The following UTP4 variants were observed in gnomAD, a reference collection of about 807,000 sequenced individuals.
The protein encoded by UTP4 is U3 small nucleolar RNA-associated protein 4 homolog.
A neutral mutation model predicts 82.4 loss-of-function variants in UTP4; 45 were observed. The ratio of observed to expected loss-of-function variants is 0.55; its 90% CI spans 0.43 to 0.70. The LOEUF (loss-of-function observed/expected upper bound fraction) is 0.70. Among genes scored for constraint, UTP4 ranks in the 30% least tolerant of loss-of-function variants. UTP4 has a pLI of 0.00. For missense variants in UTP4, 819 were observed against 858.3 expected, an observed-to-expected ratio of 0.95 and a Z score of 0.57; for synonymous variants, 348 against 300.3, an observed-to-expected ratio of 1.16 and a Z score of -1.64.
At chr16:69,154,587 C>A in intron 10 of UTP4, 130 bp downstream of exon 10, 1 of 750,794 alleles carries the variant, frequency 1.3e-6, no homozygotes, top group Non-Finnish European at 2.3e-6. Context: ...GAATGAAGGA[C>A]TGTGTCACCA....
intron 14 of UTP4, among the ~76,000 whole-genome samples, chr16:69,164,016 G>C (rs1464541699): frequency 6.6e-6 from 1 of 151,662 alleles, no homozygotes; most frequent in Non-Finnish European, 1.5e-5. Context: ...CTCCCGAGTA[G>C]CTGGACTACA....
intron 13 of UTP4, among the ~76,000 whole-genome samples, chr16:69,162,748 G>A (rs1963596115): frequency 6.6e-6 from 1 of 151,262 alleles, no homozygotes; most frequent in Non-Finnish European, 1.5e-5. Flanking sequence ...AATTAGCCGG[G>A]TGTGGTGGTA....
At chr16:69,140,238 C>T (rs10500548) in intron 5 of UTP4, among the ~76,000 whole-genome samples, 13,642 of 152,154 alleles carry the variant, frequency 0.09, 875 homozygotes, top group African/African-American at 0.18. Flanking sequence ...TAAAAATGGG[C>T]TTCTGTCATT....
At chr16:69,154,704 T>TTTTATTTATTTATTTA (rs34852514) in intron 10 of UTP4, among the ~76,000 whole-genome samples, 25 of 147,102 alleles carry the variant, frequency 1.7e-4, no homozygotes, top group African/African-American at 2.2e-4. Flanking sequence ...AATAATGTGC[T>TTTTATTTATTTATTTA]TTTATTTATT....
chr16:69,144,348 G>A (rs1005134374), intron 6 of UTP4, among the ~76,000 whole-genome samples: 11 of 151,848 alleles, frequency 7.2e-5, no homozygotes, highest in African/African-American at 1.9e-4. Context: ...ACAGGCGCCC[G>A]CCTCTGTGCC....
intron 8 of UTP4, among the ~76,000 whole-genome samples, chr16:69,152,468 T>C (rs998610677): frequency 1.1e-4 from 15 of 140,870 alleles, no homozygotes; most frequent in South Asian, 4.4e-4. Context: ...GTTTTTCTTT[T>C]TTTTTTTTTT....
intron 4 of UTP4, 91 bp downstream of exon 4, chr16:69,137,976 A>G: frequency 1.2e-6 from 1 of 848,936 alleles, no homozygotes; most frequent in Non-Finnish European, 2.0e-6. Context: ...CCATGAATCC[A>G]GGTAATATTT....
intron 15 of UTP4, chr16:69,166,756 C>T (rs188511895): frequency 5.0e-5 from 17 of 339,884 alleles, no homozygotes; most frequent in East Asian, 1.4e-4. Flanking sequence ...GGCCAGAAGC[C>T]GCAGAAGGGC....
At chr16:69,142,024 A>T (rs1962972516) in intron 5 of UTP4, 1 of 134,952 alleles carries the variant, frequency 7.4e-6, no homozygotes, top group Admixed American at 8.5e-5. Context: ...AAGGCTATTA[A>T]TAATTGTCAA....
intron 2 of UTP4, among the ~76,000 whole-genome samples, chr16:69,136,367 A>G (rs1183167905): frequency 1.3e-5 from 2 of 152,198 alleles, no homozygotes; most frequent in Non-Finnish European, 2.9e-5. Flanking sequence ...AGCTGGGACT[A>G]TAAGTGTGTG....
intron 6 of UTP4, among the ~76,000 whole-genome samples, chr16:69,150,293 G>A (rs1963226002): frequency 6.6e-6 from 1 of 152,134 alleles, no homozygotes; most frequent in Non-Finnish European, 1.5e-5. Flanking sequence ...TCTATGTTGG[G>A]TATATGAAGC....
In UTP4 at chr16:69,143,362, T is replaced by C; in HGVS notation, c.711T>C (p.Ala237=). The C allele has an allele frequency of 1.2e-6, 2 of 1,614,162 alleles. No homozygotes were observed. The highest frequency in any genetic ancestry group is 1.7e-6 in the Non-Finnish European group (2 of 1,180,024). ...TGAAGAGCCATCTCATCGCTAATGC[T>C]GACGTGCAGTCCATTGCTGTAGCTG... The part of the protein sequence containing the change: ...TLVKSHLIAN[A]DVQSIAVADQ... The change falls in exon 6 of 17, where the codon GCT becomes GCC. Residue 237 remains alanine, a synonymous_variant. Coordinates refer to ENST00000314423, the MANE Select transcript of UTP4 (RefSeq NM_032830.3).
chr16:69,165,632 A>G, intron 15 of UTP4, 106 bp downstream of exon 15: 1 of 945,972 alleles, frequency 1.1e-6, no homozygotes, highest in Non-Finnish European at 1.7e-6. Context: ...AAAGGTAGCT[A>G]GTAAATCAGA....
Position 69,165,370 on chromosome 16 carries a change from G to T in UTP4, c.1677G>T (p.Gln559His), listed in dbSNP as rs1963675848. 6.2e-7 allele frequency: 1 copy of T among 1,613,984 alleles called. No individual in the cohort carries two copies. The highest frequency in any genetic ancestry group is 1.3e-5 in the African/African-American group (1 of 74,894). The change falls in exon 15 of 17, where the codon CAG becomes CAT. Residue 559 changes from glutamine to histidine, a missense_variant. By Grantham distance (24) the Gln-to-His change is conservative. Transcript: ENST00000314423. The stretch of plus-strand genomic sequence containing the variant: ...TTGAGTACAGCATCCCAGACAAACA[G>T]TATACAGATTGGAGCCGGACTGTCC... Reference protein sequence around the residue: ...QVFEYSIPDKQYTDWSRTVQK... With the variant: ...QVFEYSIPDKHYTDWSRTVQK...
At chr16:69,162,566 G>A (rs1963590674) in intron 13 of UTP4, among the ~76,000 whole-genome samples, 1 of 151,988 alleles carries the variant, frequency 6.6e-6, no homozygotes, top group Non-Finnish European at 1.5e-5. Context: ...ACAAAAATTA[G>A]CCAGGCATGG....
chr16:69,141,871 G>A (rs1356008954), intron 5 of UTP4, among the ~76,000 whole-genome samples: 2 of 149,758 alleles, frequency 1.3e-5, no homozygotes, highest in African/African-American at 2.5e-5. Context: ...AAGTTTTAGG[G>A]TACATGTGCA....
At chr16:69,154,544 G>C in intron 10 of UTP4, 87 bp downstream of exon 10, 2 of 1,000,494 alleles carry the variant, frequency 2.0e-6, no homozygotes, top group South Asian at 2.6e-5. Flanking sequence ...TACTTAGTTT[G>C]CATCATAAAT....
chr16:69,166,659 A>G, intron 15 of UTP4: 1 of 187,714 alleles, frequency 5.3e-6, no homozygotes, highest in Non-Finnish European at 1.1e-5. Context: ...TGGTTGGGGG[A>G]GAGTCTAGAA....
chr16:69,136,428 C>T (rs995902324), intron 2 of UTP4, among the ~76,000 whole-genome samples: 9 of 152,218 alleles, frequency 5.9e-5, no homozygotes, highest in African/African-American at 1.9e-4. Flanking sequence ...GTGTCTCACT[C>T]TGTCGTCCAG....
Sources: allele counts gnomAD v4.1 joint callset (sites outside exome capture counted in the v4.1 genomes callset), GRCh38; gene constraint gnomAD v4.1.1; transcripts MANE v1.5; gene names NCBI Gene and HGNC (gene_info 2026-07-23, HGNC 2026-07-21).